The following ZNF385B variants were observed in gnomAD, a reference collection of about 807,000 sequenced individuals.
ZNF385B encodes the protein zinc finger protein 385B.
Under a neutral mutation model 39.2 loss-of-function variants are expected in ZNF385B, and 23 were observed. That is an observed-to-expected ratio of 0.59 (90% CI 0.42 to 0.83). The LOEUF is 0.83. Among genes scored for constraint, ZNF385B ranks in the 40% least tolerant of loss-of-function variants. The pLI is 0.00. For missense variants in ZNF385B, 552 were observed against 598.9 expected (o/e 0.92, Z 0.82); for synonymous variants, 205 against 222.6 (o/e 0.92, Z 0.70).
intron 3 of ZNF385B, among the ~76,000 whole-genome samples, chr2:179,550,125 A>T (rs1291553401): frequency 6.7e-6 from 1 of 149,588 alleles, no homozygotes; most frequent in Non-Finnish European, 1.5e-5. Flanking sequence ...ATGTTAGCCC[A>T]ATGGCCTATT....
chr2:179,602,348 A>C (rs919081019), intron 3 of ZNF385B, among the ~76,000 whole-genome samples: 1 of 152,148 alleles, frequency 6.6e-6, no homozygotes, highest in Non-Finnish European at 1.5e-5. Flanking sequence ...GGCATGTGCC[A>C]CCACGCCTGG....
intron 3 of ZNF385B, among the ~76,000 whole-genome samples, chr2:179,698,595 T>C (rs1698943151): frequency 6.6e-6 from 1 of 152,232 alleles, no homozygotes; most frequent in Non-Finnish European, 1.5e-5. Context: ...GTTACATATT[T>C]ATAACTCTGG....
At chr2:179,592,115 C>G (rs1687615573) in intron 3 of ZNF385B, among the ~76,000 whole-genome samples, 1 of 152,160 alleles carries the variant, frequency 6.6e-6, no homozygotes. Flanking sequence ...TACGAATCCT[C>G]TAAACACTGA....
intron 4 of ZNF385B, among the ~76,000 whole-genome samples, chr2:179,538,419 C>G (rs982775466): frequency 2.0e-4 from 31 of 151,986 alleles, no homozygotes. Flanking sequence ...AAGCATAGCA[C>G]GAATTAAAAG....
At chr2:179,643,927 A>G (rs35427104) in intron 3 of ZNF385B, among the ~76,000 whole-genome samples, 27,970 of 152,068 alleles carry the variant, frequency 0.18, 3,117 homozygotes, top group South Asian at 0.28. Context: ...ACTTCAATAA[A>G]TGTTATGTTT....
intron 1 of ZNF385B, among the ~76,000 whole-genome samples, chr2:179,854,052 T>C (rs1039296561): frequency 1.3e-5 from 2 of 152,166 alleles, no homozygotes; most frequent in African/African-American, 2.4e-5. Context: ...ATTTCATATA[T>C]ATAAAATTGA....
At chr2:179,636,613 C>T (rs1691777688) in intron 3 of ZNF385B, among the ~76,000 whole-genome samples, 1 of 152,150 alleles carries the variant, frequency 6.6e-6, no homozygotes, top group Non-Finnish European at 1.5e-5. Context: ...CTTGGAAGAA[C>T]CCATACAAGT....
intron 3 of ZNF385B, among the ~76,000 whole-genome samples, chr2:179,689,726 A>T (rs1015057441): frequency 4.0e-5 from 6 of 151,794 alleles, no homozygotes; most frequent in African/African-American, 1.5e-4. Context: ...GAGTTCCATT[A>T]ATGTTAGCCA....
intron 1 of ZNF385B, chr2:179,802,446 T>C (rs1187153489): frequency 6.6e-6 from 1 of 152,124 alleles, no homozygotes; most frequent in Non-Finnish European, 1.5e-5. Context: ...CTATTTTAGA[T>C]AATAATTTAC....
intron 3 of ZNF385B, among the ~76,000 whole-genome samples, chr2:179,563,373 G>C (rs1684161651): frequency 6.6e-6 from 1 of 152,190 alleles, no homozygotes; most frequent in African/African-American, 2.4e-5. Flanking sequence ...GTGGGCATTT[G>C]AATGAATAAA....
At chr2:179,599,989 T>C (rs1475233496) in intron 3 of ZNF385B, among the ~76,000 whole-genome samples, 1 of 152,196 alleles carries the variant, frequency 6.6e-6, no homozygotes, top group Non-Finnish European at 1.5e-5. Context: ...GCGTTAACCA[T>C]TTTGAATATG....
intron 3 of ZNF385B, among the ~76,000 whole-genome samples, chr2:179,720,335 A>G (rs1700601447): frequency 6.6e-6 from 1 of 150,910 alleles, no homozygotes; most frequent in South Asian, 2.1e-4. Context: ...TGAAATTTTA[A>G]GAACAGACAC....
intron 3 of ZNF385B, among the ~76,000 whole-genome samples, chr2:179,709,186 C>T (rs1301794069): frequency 6.6e-6 from 1 of 152,216 alleles, no homozygotes; most frequent in Non-Finnish European, 1.5e-5. Flanking sequence ...GGCCACAGAT[C>T]TCAGCGGATG....
chr2:179,625,784 C>T (rs993072021), intron 3 of ZNF385B, among the ~76,000 whole-genome samples: 1 of 152,056 alleles, frequency 6.6e-6, no homozygotes, highest in Non-Finnish European at 1.5e-5. Context: ...TATATATCTA[C>T]ATAAATATAA....
chr2:179,591,024 G>A (rs1687511168), intron 3 of ZNF385B, among the ~76,000 whole-genome samples: 3 of 151,508 alleles, frequency 2.0e-5, no homozygotes, highest in Non-Finnish European at 4.4e-5. Flanking sequence ...AGGTTTAATG[G>A]GATGTTTGGG....
chr2:179,604,151 C>G (rs1177853551), intron 3 of ZNF385B, among the ~76,000 whole-genome samples: 1 of 152,148 alleles, frequency 6.6e-6, no homozygotes, highest in Non-Finnish European at 1.5e-5. Context: ...CAAGTCCATT[C>G]TGAACACTTT....
intron 4 of ZNF385B, among the ~76,000 whole-genome samples, chr2:179,541,336 C>CATCT (rs941951038): frequency 1.3e-5 from 2 of 152,142 alleles, no homozygotes; most frequent in Admixed American, 6.5e-5. Context: ...ATAGAACAGG[C>CATCT]ATCTGTTCTA....
rs1334414224 is a variant in ZNF385B at position 179,829,816 on chromosome 2, A to T, written c.-155+31285T>A. On this transcript the variant is annotated intron_variant, in intron 1 of 9. Transcript: ENST00000410066. ...GCGTGACCCACCGCGCCCGGCCTGGATATGACTTTTTAGATGCAACACCAA... is the reference window on the plus strand; with the variant it reads ...GCGTGACCCACCGCGCCCGGCCTGGTTATGACTTTTTAGATGCAACACCAA... Among the ~76,000 whole-genome samples the T allele has an allele frequency of 2.0e-5, 3 of 152,230 alleles. No individual in the cohort carries two copies. In the East Asian group the frequency reaches 5.8e-4, roughly 29 times the overall value.
At chr2:179,664,607 C>T (rs757080665) in intron 3 of ZNF385B, among the ~76,000 whole-genome samples, 5 of 152,100 alleles carry the variant, frequency 3.3e-5, no homozygotes, top group Admixed American at 6.5e-5. Flanking sequence ...TAATCACAAA[C>T]ATATGGACAC....
Sources: allele counts gnomAD v4.1 joint callset (sites outside exome capture counted in the v4.1 genomes callset), GRCh38; gene constraint gnomAD v4.1.1; transcripts MANE v1.5; gene names NCBI Gene and HGNC (gene_info 2026-07-23, HGNC 2026-07-21).